Variants in ARSG observed in about 807,000 individuals in gnomAD.
ARSG encodes the protein arylsulfatase G.
ARSG carries 37 observed loss-of-function variants against 50.5 expected under a neutral mutation model. That is an observed-to-expected ratio of 0.73 (90% CI 0.56 to 0.96). ARSG has a LOEUF of 0.96. Ranked by LOEUF, ARSG falls within the 50% of genes least tolerant of loss-of-function variation. The pLI, the probability that ARSG is intolerant of heterozygous loss-of-function variation, is 0.00. For missense variants in ARSG, 629 were observed against 675.3 expected, an observed-to-expected ratio of 0.93 and a Z score of 0.76; for synonymous variants, 225 against 254.6, an observed-to-expected ratio of 0.88 and a Z score of 1.11.
At chr17:68,294,180 G>A (rs1188188609) in intron 1 of ARSG, among the ~76,000 whole-genome samples, 1 of 152,016 alleles carries the variant, frequency 6.6e-6, no homozygotes, top group Non-Finnish European at 1.5e-5. Flanking sequence ...GCCCCCTCTC[G>A]GCTTTCCTTT....
In ARSG at chr17:68,269,368, G is replaced by A. The variant is rs782644329; in HGVS notation, c.-552+9942G>A. 39 of 1,031,246 alleles carry A rather than the reference G, an allele frequency of 3.8e-5. 4 individuals are homozygous for A. In the Admixed American group the frequency reaches 8.2e-4, roughly 22 times the overall value. The allele number at this position is 1,031,246 out of a possible 1,614,324, so 63.9% of individuals were successfully genotyped here. Reference sequence around the variant, plus strand: ...AAACCTGGAAGAGAGCATGGCGTCCGTTAACAGCATCCTTCCTAGACATAA... The same window carrying A: ...AAACCTGGAAGAGAGCATGGCGTCCATTAACAGCATCCTTCCTAGACATAA... On this transcript the variant is annotated intron_variant, in intron 1 of 11. Coordinates refer to the ARSG transcript ENST00000448504.
chr17:68,272,638 C>A (rs2075378763), intron 1 of ARSG: 1 of 1,613,768 alleles, frequency 6.2e-7, no homozygotes, highest in Non-Finnish European at 8.5e-7. Context: ...AGTCCACCTA[C>A]CTGGTGCGAA....
downstream of ARSG, chr17:68,422,091 G>C (rs527872536): frequency 1.9e-5 from 8 of 422,578 alleles, no homozygotes; most frequent in Non-Finnish European, 3.5e-5. Flanking sequence ...ATTTTTAAAA[G>C]GCTCATCTTA....
chr17:68,410,080 T>G (rs2081932024), intron 11 of ARSG, among the ~76,000 whole-genome samples: 1 of 149,532 alleles, frequency 6.7e-6, no homozygotes, highest in Admixed American at 6.6e-5. Flanking sequence ...AGGGACAATT[T>G]GACTTCCTCT....
At chr17:68,352,910 C>T (rs1237340349) in intron 5 of ARSG, among the ~76,000 whole-genome samples, 1 of 152,132 alleles carries the variant, frequency 6.6e-6, no homozygotes, top group African/African-American at 2.4e-5. Flanking sequence ...TGATAAGCCT[C>T]ACTCAGGTAA....
At chr17:68,324,660 A>G (rs1278713937) in intron 2 of ARSG, among the ~76,000 whole-genome samples, 12 of 152,192 alleles carry the variant, frequency 7.9e-5, no homozygotes, top group Non-Finnish European at 1.8e-4. Context: ...AGTCTTGGAA[A>G]GCTATTTAAA....
chr17:68,361,508 G>A (rs1380599248), intron 6 of ARSG, among the ~76,000 whole-genome samples: 2 of 151,938 alleles, frequency 1.3e-5, no homozygotes, highest in Admixed American at 6.6e-5. Flanking sequence ...GAGCTCAGGC[G>A]TTCAAGACCA....
the ARSG span, chr17:68,430,084 G>C: frequency 6.2e-7 from 1 of 1,614,012 alleles, no homozygotes; most frequent in Non-Finnish European, 8.5e-7. Context: ...TCTGACACCT[G>C]GGTAGGGAGG....
the ARSG span, chr17:68,444,623 C>A: frequency 2.5e-6 from 4 of 1,575,102 alleles, no homozygotes; most frequent in Non-Finnish European, 3.5e-6. Context: ...TCTACCGAAC[C>A]GTTCCTTACA....
At chr17:68,289,661 C>A (rs1432986642), upstream of ARSG, among the ~76,000 whole-genome samples, 3 of 152,206 alleles carry the variant, frequency 2.0e-5, no homozygotes, top group Admixed American at 2.0e-4. Flanking sequence ...AATTTCCAAA[C>A]CTAACCTGGA....
At chr17:68,277,668 G>A (rs2075568060) in intron 1 of ARSG, among the ~76,000 whole-genome samples, 1 of 152,076 alleles carries the variant, frequency 6.6e-6, no homozygotes, top group Non-Finnish European at 1.5e-5. Flanking sequence ...GACCTCAACT[G>A]ATCCACCCAC....
chr17:68,352,063 GGAGAGAGAGAGAGAGAGAGACAGAGGAGA>G (rs1568506321), intron 5 of ARSG, among the ~76,000 whole-genome samples: 17 of 141,372 alleles, frequency 1.2e-4, no homozygotes, highest in African/African-American at 3.6e-4. Context: ...GAGAGACAGA[GGAGAGAGAGAGAGAGAGAGACAGAGGAGA>G]GAGAGAGAGA....
chr17:68,301,667 T>C (rs1477067243), intron 1 of ARSG, among the ~76,000 whole-genome samples: 1 of 152,252 alleles, frequency 6.6e-6, no homozygotes, highest in Non-Finnish European at 1.5e-5. Flanking sequence ...CAGAGCCTGC[T>C]GCTCTTGCTG....
chr17:68,383,726 G>T (rs1323420628), intron 8 of ARSG, among the ~76,000 whole-genome samples: 1 of 152,180 alleles, frequency 6.6e-6, no homozygotes. Flanking sequence ...CCAAGTGCGT[G>T]AATAAATTGG....
In ARSG at chr17:68,399,310, C is replaced by T. The variant is rs2147203732; in HGVS notation, c.1213-2050C>T. 6.6e-6 allele frequency among the ~76,000 whole-genome samples: 1 copy of T among 152,272 alleles called. No individual in the cohort carries two copies. Among genetic ancestry groups the T allele is most frequent in the Non-Finnish European group, 1.5e-5 (1 of 68,016 alleles). The stretch of plus-strand genomic sequence containing the variant: ...CCTTTGGAGGCTGTAGCTGTGCATC[C>T]CCACCTGAATGGAGAAGAAGCCCAC... On this transcript the variant is annotated intron_variant, in intron 10 of 11. Transcript: ENST00000621439. The surrounding 1 kb of genome is among the most constrained non-coding windows in gnomAD (Gnocchi z 4.6).
the ARSG span, among the ~76,000 whole-genome samples, chr17:68,433,178 T>C: frequency 6.6e-6 from 1 of 152,248 alleles, no homozygotes; most frequent in Non-Finnish European, 1.5e-5. Context: ...GTTATGTTCA[T>C]TTTGCAGATG....
chr17:68,335,796 G>A (rs573068832), intron 2 of ARSG, among the ~76,000 whole-genome samples: 5 of 152,324 alleles, frequency 3.3e-5, no homozygotes, highest in South Asian at 2.1e-4. Context: ...CAGCGTGTGC[G>A]AAGGCACAGA....
At chr17:68,412,566 T>C (rs2082070634) in intron 11 of ARSG, among the ~76,000 whole-genome samples, 1 of 152,184 alleles carries the variant, frequency 6.6e-6, no homozygotes, top group Non-Finnish European at 1.5e-5. Flanking sequence ...TTTTCCTTCA[T>C]TTCAACTTTG....
chr17:68,343,559 C>A, intron 2 of ARSG, 45 bp from the exon 3 acceptor site: 1 of 1,512,386 alleles, frequency 6.6e-7, no homozygotes, highest in Non-Finnish European at 8.9e-7. Context: ...TTTACTCTGG[C>A]TTCCTGTGGT....
Sources: gnomAD v4.1 joint callset for allele counts (sites outside exome capture counted in the v4.1 genomes callset) on GRCh38, gnomAD v4.1.1 for gene constraint, Gnocchi (gnomAD v3.1) non-coding constraint, MANE v1.5 for transcripts, NCBI Gene and HGNC (gene_info 2026-07-23, HGNC 2026-07-21) for gene names.